The following FSD1 variants were observed in gnomAD, a reference collection of about 807,000 sequenced individuals.
FSD1 encodes the protein fibronectin type III and SPRY domain containing 1.
Under a neutral mutation model 58.2 loss-of-function variants are expected in FSD1, and 23 were observed. That is an observed-to-expected ratio of 0.40 (90% CI 0.28 to 0.56). The LOEUF (loss-of-function observed/expected upper bound fraction) is 0.56, where lower values mean the gene tolerates loss of function less well. Among genes scored for constraint, FSD1 ranks in the 20% least tolerant of loss-of-function variants. The pLI is 0.54. For synonymous variants in FSD1, 265 were observed against 263.4 expected, an observed-to-expected ratio of 1.01 and a Z score of -0.06; for missense variants, 563 against 670.8, an observed-to-expected ratio of 0.84 and a Z score of 1.78.
At chr19:4,322,821 G>A (rs1971715743) in intron 10 of FSD1, among the ~76,000 whole-genome samples, 165 bp from the exon 11 acceptor site, 1 of 152,016 alleles carries the variant, frequency 6.6e-6, no homozygotes, top group African/African-American at 2.4e-5. Flanking sequence ...GAATAGCTGG[G>A]AACCTGAGGA....
At chr19:4,319,813 G>C (rs1204463848) in intron 10 of FSD1, among the ~76,000 whole-genome samples, 1 of 152,144 alleles carries the variant, frequency 6.6e-6, no homozygotes, top group Non-Finnish European at 1.5e-5. Context: ...GGGAGGAGCA[G>C]ACCTGGAGAA....
At chr19:4,308,944 G>A (rs942278476) in intron 4 of FSD1, among the ~76,000 whole-genome samples, 16 of 152,088 alleles carry the variant, frequency 1.1e-4, no homozygotes, top group Middle Eastern at 3.4e-3. Context: ...GCATGGTGGC[G>A]GGCACCTGTA....
intron 6 of FSD1, 197 bp downstream of exon 6, chr19:4,310,793 A>G: frequency 3.5e-6 from 2 of 577,384 alleles, no homozygotes; most frequent in Non-Finnish European, 6.1e-6. Flanking sequence ...GAGCCATGGG[A>G]AGACCCCACC....
intron 7 of FSD1, among the ~76,000 whole-genome samples, chr19:4,315,556 C>T (rs1257684855): frequency 1.5e-4 from 22 of 150,640 alleles, no homozygotes; most frequent in East Asian, 7.9e-4. Context: ...GATCCGCCTC[C>T]GTCGGCCTCC....
chr19:4,322,127 G>A (rs1433521088), intron 10 of FSD1, among the ~76,000 whole-genome samples: 2 of 150,200 alleles, frequency 1.3e-5, no homozygotes, highest in African/African-American at 4.9e-5. Flanking sequence ...GGGGGGAATA[G>A]CTGGGTCCCC....
intron 1 of FSD1, 45 bp downstream of exon 1, chr19:4,304,806 C>CGGGGGGGGG: frequency 1.7e-5 from 3 of 179,416 alleles, no homozygotes; most frequent in Non-Finnish European, 3.2e-5. Context: ...GCGTCGGGGG[C>CGGGGGGGGG]GGGGAAGGGG....
chr19:4,313,129 C>T (rs1379198695), intron 7 of FSD1, among the ~76,000 whole-genome samples: 1 of 148,672 alleles, frequency 6.7e-6, no homozygotes, highest in Non-Finnish European at 1.5e-5. Context: ...AAGAGGATTG[C>T]TTGAGGCCAG....
rs144527122 is a variant in FSD1 at position 4,323,024 on chromosome 19, G to C, written c.1078G>C (p.Val360Leu). 1 of 1,611,858 alleles carries C rather than the reference G, an allele frequency of 6.2e-7. No individual in the cohort carries two copies. The highest frequency in any genetic ancestry group is 8.5e-7 in the Non-Finnish European group (1 of 1,179,422). ...CGACGGCGGGGAGCATTACTGGGAG[G>C]TGCGCTACGAGCCGGACAGCAAGGC... Reference protein sequence around the residue: ...LIDGGEHYWEVRYEPDSKAFG... With the variant: ...LIDGGEHYWELRYEPDSKAFG... The change falls in exon 11 of 13, where the codon GTG becomes CTG. Residue 360 changes from valine to leucine, a missense_variant. Coordinates refer to ENST00000221856, the MANE Select transcript of FSD1 (RefSeq NM_024333.3). The surrounding 1 kb of genome is among the most constrained non-coding windows in gnomAD (Gnocchi z 7.7).
Position 4,311,848 on chromosome 19 carries a change from G to A in FSD1, c.497G>A (p.Ser166Asn). 1.2e-6 allele frequency: 2 copies of A among 1,614,092 alleles called. No individual in the cohort carries two copies. The highest frequency in any genetic ancestry group is 1.7e-6 in the Non-Finnish European group (2 of 1,179,984). Residue 166 changes from serine to asparagine, a missense_variant, in exon 7 of 13, where the codon AGC becomes AAC. Transcript: ENST00000221856. ...TCCTTTCCGTCTTGGTCAGTGCCCA[G>A]CGCACCCGTGATCGACCTGGCTGAG... is the stretch of plus-strand genomic sequence containing the variant. ...LQALKFLPVPSAPVIDLAESL... is the reference protein window; with the variant it reads ...LQALKFLPVPNAPVIDLAESL...
At chr19:4,305,863 T>G in intron 1 of FSD1, 83 bp from the exon 2 acceptor site, 5 of 989,738 alleles carry the variant, frequency 5.1e-6, no homozygotes, top group Non-Finnish European at 8.1e-6. Flanking sequence ...TGTGCACGTG[T>G]GTACATGTGC....
At chr19:4,319,215 A>G (rs1324846442) in intron 10 of FSD1, among the ~76,000 whole-genome samples, 2 of 152,130 alleles carry the variant, frequency 1.3e-5, no homozygotes, top group African/African-American at 4.8e-5. Flanking sequence ...AATTTTCTGG[A>G]CTCCATGGAG....
intron 5 of FSD1, 81 bp from the exon 6 acceptor site, chr19:4,310,394 G>C (rs1436393386): frequency 6.2e-7 from 1 of 1,605,432 alleles, no homozygotes; most frequent in Non-Finnish European, 8.5e-7. Flanking sequence ...CCCTGGACGG[G>C]AGCCCTGGGG....
intron 5 of FSD1, 42 bp from the exon 6 acceptor site, chr19:4,310,418 CGCCACGGATGACCAG>C: frequency 1.2e-6 from 2 of 1,604,164 alleles, no homozygotes; most frequent in Non-Finnish European, 1.7e-6. Context: ...GGCCCCCTCG[CGCCACGGATGACCAG>C]GCCTGGTCCC....
intron 4 of FSD1, among the ~76,000 whole-genome samples, chr19:4,309,675 T>C (rs1971665626): frequency 6.6e-6 from 1 of 151,990 alleles, no homozygotes; most frequent in Admixed American, 6.6e-5. Context: ...TTTGGGAGGC[T>C]GAGGCGGGCC....
Position 4,311,836 on chromosome 19 carries a change from G to A in FSD1, c.491-6G>A. On this transcript the variant is annotated splice_polypyrimidine_tract_variant and splice_region_variant and intron_variant, in intron 6 of 12. Transcript: ENST00000221856. ...CCCGACCCCCTCTCCTTTCCGTCTT[G>A]GTCAGTGCCCAGCGCACCCGTGATC... 1 of 1,613,846 alleles carries A rather than the reference G, an allele frequency of 6.2e-7. No homozygotes were observed. The highest frequency in any genetic ancestry group is 8.5e-7 in the Non-Finnish European group (1 of 1,179,798).
At chr19:4,305,875 T>C (rs1971614212) in intron 1 of FSD1, 71 bp from the exon 2 acceptor site, 5 of 1,115,658 alleles carry the variant, frequency 4.5e-6, no homozygotes, top group Admixed American at 3.4e-5. Flanking sequence ...TACATGTGCG[T>C]ACACGTGTGT....
intron 7 of FSD1, among the ~76,000 whole-genome samples, chr19:4,314,082 G>C (rs1223132504): frequency 6.6e-6 from 1 of 152,086 alleles, no homozygotes; most frequent in Non-Finnish European, 1.5e-5. Flanking sequence ...CCGGAGGGGC[G>C]GGGAGAGGCT....
chr19:4,316,478 C>T (rs905998468), intron 7 of FSD1, among the ~76,000 whole-genome samples: 1 of 151,922 alleles, frequency 6.6e-6, no homozygotes, highest in Admixed American at 6.6e-5. Context: ...ACTTCGGCCT[C>T]CCAAAGTGCT....
rs1004083958 is a variant in FSD1, at chr19:4,304,665, C to T, written c.-82C>T. 4.4e-6 allele frequency: 4 copies of T among 912,508 alleles called. No individual in the cohort carries two copies. The highest frequency in any genetic ancestry group is 5.7e-6 in the Non-Finnish European group (4 of 697,886). The allele number at this position is 912,508 out of a possible 1,614,324, so 56.5% of individuals were successfully genotyped here. Reference sequence around the variant, plus strand: ...CGGCGAGGGCTCGGCGGGCCATTGGCTACCGGCCGCGGCAAAGGCAGCTTG... The same window carrying T: ...CGGCGAGGGCTCGGCGGGCCATTGGTTACCGGCCGCGGCAAAGGCAGCTTG... On this transcript the variant is annotated 5_prime_UTR_variant, in exon 1 of 13. Coordinates refer to ENST00000221856, the MANE Select transcript of FSD1 (RefSeq NM_024333.3).
Sources: allele counts gnomAD v4.1 joint callset (sites outside exome capture counted in the v4.1 genomes callset), GRCh38; gene constraint gnomAD v4.1.1; non-coding constraint Gnocchi (gnomAD v3.1); transcripts MANE v1.5; gene names NCBI Gene and HGNC (gene_info 2026-07-23, HGNC 2026-07-21).